PIEZO2: variants seen among roughly 807,000 people sequenced by gnomAD.
PIEZO2 encodes piezo-type mechanosensitive ion channel component 2.
In PIEZO2, 172 loss-of-function variants were observed where a neutral mutation model predicts 337.3. That is an observed-to-expected ratio of 0.51 (90% confidence interval 0.45 to 0.58). The LOEUF (loss-of-function observed/expected upper bound fraction) is 0.58. PIEZO2 is among the 20% of genes least tolerant of loss of function. PIEZO2 has a pLI of 0.00. For missense variants in PIEZO2, 3,028 were observed against 3,391.3 expected, an observed-to-expected ratio of 0.89 and a Z score of 2.66; for synonymous variants, 1,251 against 1,228.5, an observed-to-expected ratio of 1.02 and a Z score of -0.38.
intron 2 of PIEZO2, among the ~76,000 whole-genome samples, chr18:11,042,753 G>C (rs1872026): frequency 0.23 from 34,311 of 152,108 alleles, 5,001 homozygotes; most frequent in Non-Finnish European, 0.33. Flanking sequence ...ATACACCTTT[G>C]GGGGGCAGGA....
At chr18:10,996,504 A>T (rs1359885801) in intron 2 of PIEZO2, among the ~76,000 whole-genome samples, 1 of 152,186 alleles carries the variant, frequency 6.6e-6, no homozygotes, top group Non-Finnish European at 1.5e-5. Context: ...GCTGCTCTCC[A>T]TTCCCCCATC....
chr18:10,736,784 C>T (rs989992501), intron 33 of PIEZO2, 74 bp from the exon 34 acceptor site: 10 of 1,442,666 alleles, frequency 6.9e-6, no homozygotes, highest in Non-Finnish European at 9.3e-6. Context: ...ATGAAATGTC[C>T]CCTAAAGATA....
At chr18:10,829,003 G>A (rs1289234180) in intron 7 of PIEZO2, among the ~76,000 whole-genome samples, 1 of 152,134 alleles carries the variant, frequency 6.6e-6, no homozygotes, top group Non-Finnish European at 1.5e-5. Context: ...AATTCAAGTG[G>A]TGGGCATTCC....
chr18:10,722,724 A>G (rs543935692), intron 36 of PIEZO2, among the ~76,000 whole-genome samples: 1 of 152,368 alleles, frequency 6.6e-6, no homozygotes, highest in African/African-American at 2.4e-5. Context: ...AAATTGGCAC[A>G]CTGGTCTAAA....
At chr18:10,705,307 T>C (rs1490530187) in intron 41 of PIEZO2, 29 bp downstream of exon 41, 1 of 1,484,822 alleles carries the variant, frequency 6.7e-7, no homozygotes, top group Non-Finnish European at 8.9e-7. Context: ...TTTGGGGATA[T>C]GTGTCTGATC....
chr18:10,782,311 ATATAATATAT>A (rs2039025661), intron 17 of PIEZO2, among the ~76,000 whole-genome samples: 1 of 76,138 alleles, frequency 1.3e-5, no homozygotes, highest in Non-Finnish European at 2.5e-5. Context: ...ATAAATAATT[ATATAATATAT>A]TATAATTATA....
At chr18:10,720,197 G>GTT (rs2036199167) in intron 36 of PIEZO2, among the ~76,000 whole-genome samples, 15 of 130,866 alleles carry the variant, frequency 1.1e-4, no homozygotes, top group African/African-American at 1.8e-4. Flanking sequence ...ATAGAGAGAG[G>GTT]ATATATATAT....
rs370171370 is a variant in PIEZO2, at chr18:11,039,936, G to A, written c.160+26191C>T. Among the ~76,000 whole-genome samples, 7 of 152,088 alleles carry A rather than the reference G, an allele frequency of 4.6e-5. No individual in the cohort carries two copies. In the South Asian group the frequency reaches 8.3e-4, roughly 18 times the overall value. On this transcript the variant is annotated intron_variant, in intron 2 of 55. Coordinates refer to ENST00000674853, the MANE Select transcript of PIEZO2 (RefSeq NM_001378183.1). Reference sequence around the variant, plus strand: ...TAACCTCTCCAACCCTCCCCACCCCGTATAGACACACAGACTCTGCTTTTT... The same window carrying A: ...TAACCTCTCCAACCCTCCCCACCCCATATAGACACACAGACTCTGCTTTTT...
Position 10,672,260 on chromosome 18 carries a change from T to G in PIEZO2, c.8345+430A>C, listed in dbSNP as rs545828534. Among the ~76,000 whole-genome samples the G allele has an allele frequency of 2.6e-5, 4 of 152,302 alleles. No homozygotes were observed. The East Asian group carries it at 7.7e-4, about 29-fold the overall frequency. On this transcript the variant is annotated intron_variant, in intron 55 of 55. Coordinates refer to ENST00000674853, the MANE Select transcript of PIEZO2 (RefSeq NM_001378183.1). The surrounding 1 kb of genome is among the most constrained non-coding windows in gnomAD (Gnocchi z 4.7). ...TTTGAGAAATACAATATTTTACATTTGTGTCTTGTGGGGATGTGCGTGTCC... is the reference window on the plus strand; with the variant it reads ...TTTGAGAAATACAATATTTTACATTGGTGTCTTGTGGGGATGTGCGTGTCC...
At chr18:10,691,782 C>CACACACATATATATATATATATATAT in intron 47 of PIEZO2, among the ~76,000 whole-genome samples, 9 of 96,642 alleles carry the variant, frequency 9.3e-5, no homozygotes, top group African/African-American at 4.2e-4. Context: ...CACACACACA[C>CACACACATATATATATATATATATAT]ATATATATAT....
Position 10,759,426 on chromosome 18 carries a change from G to A in PIEZO2, c.3757+56C>T, listed in dbSNP as rs142985491. On this transcript the variant is annotated intron_variant, in intron 26 of 55. Coordinates refer to ENST00000674853, the MANE Select transcript of PIEZO2 (RefSeq NM_001378183.1). This position sits in a 1 kb window ranked among gnomAD's most constrained non-coding sequence, Gnocchi z 5.5. ...CACTAATGCATAGCACGTGAACAAT[G>A]ATTAACAGTAAACCCGGATACCAGC... 1.5e-4 allele frequency: 210 copies of A among 1,415,224 alleles called. 1 individual carries two copies. In the Middle Eastern group the frequency reaches 3.2e-3, roughly 22 times the overall value. The allele number at this position is 1,415,224 out of a possible 1,614,324, so 87.7% of individuals were successfully genotyped here.
rs1288089546 is a variant in PIEZO2, at chr18:11,021,929, T to C, written c.161-42269A>G. Among the ~76,000 whole-genome samples the C allele has an allele frequency of 1.3e-5, 2 of 152,210 alleles. No individual in the cohort carries two copies. Among genetic ancestry groups the C allele is most frequent in the Non-Finnish European group, 2.9e-5 (2 of 68,042 alleles). On this transcript the variant is annotated intron_variant, in intron 2 of 55. Coordinates refer to ENST00000674853, the MANE Select transcript of PIEZO2 (RefSeq NM_001378183.1). This position sits in a 1 kb window ranked among gnomAD's most constrained non-coding sequence, Gnocchi z 4.7. ...CCTTTCCTAGTTGTTCCTAAATCCC[T>C]GTGCCCCTTGCAGAGTCACCACGTG... is the stretch of plus-strand genomic sequence containing the variant.
At chr18:10,960,441 G>A (rs1164391693) in intron 3 of PIEZO2, among the ~76,000 whole-genome samples, 1 of 152,026 alleles carries the variant, frequency 6.6e-6, no homozygotes, top group African/African-American at 2.4e-5. Flanking sequence ...AAAACATGAA[G>A]AGTGAGATAC....
chr18:10,720,419 GTATATATATA>G (rs74177567), intron 36 of PIEZO2, among the ~76,000 whole-genome samples: 221 of 9,258 alleles, frequency 0.024, 16 homozygotes, highest in African/African-American at 0.076. Context: ...GTATGTGTAT[GTATATATATA>G]TATATATATA....
In PIEZO2 at chr18:11,016,010, C is replaced by T. The variant is rs1265164552; in HGVS notation, c.161-36350G>A. 6.6e-6 allele frequency among the ~76,000 whole-genome samples: 1 copy of T among 152,218 alleles called. No individual in the cohort carries two copies. The highest frequency in any genetic ancestry group is 2.4e-5 in the African/African-American group (1 of 41,454). ...GAAATAGCTTGGGCAATCCTGGTGA[C>T]ATTCTCCCCTTTTCCTTGTTCTCCC... On this transcript the variant is annotated intron_variant, in intron 2 of 55. Transcript: ENST00000674853. This position sits in a 1 kb window ranked among gnomAD's most constrained non-coding sequence, Gnocchi z 5.6.
chr18:11,097,567 A>G lies in PIEZO2; in HGVS notation c.65-31345T>C, dbSNP rs895609744. ...TCACAGTTTGAAGACAGCAAAAGCTATTTAGAGGAGTACAGCCTAATCACC... is the reference window on the plus strand; with the variant it reads ...TCACAGTTTGAAGACAGCAAAAGCTGTTTAGAGGAGTACAGCCTAATCACC... On this transcript the variant is annotated intron_variant, in intron 1 of 55. Coordinates refer to ENST00000674853, the MANE Select transcript of PIEZO2 (RefSeq NM_001378183.1). This position sits in a 1 kb window ranked among gnomAD's most constrained non-coding sequence, Gnocchi z 5.0. 1.3e-5 allele frequency among the ~76,000 whole-genome samples: 2 copies of G among 152,226 alleles called. No homozygotes were observed. The highest frequency in any genetic ancestry group is 2.9e-5 in the Non-Finnish European group (2 of 68,032).
intron 3 of PIEZO2, among the ~76,000 whole-genome samples, chr18:10,924,622 C>A (rs2145154424): frequency 6.6e-6 from 1 of 152,230 alleles, no homozygotes; most frequent in East Asian, 1.9e-4. Context: ...TCTTAAGAAA[C>A]AATTGCATTT....
rs1171150394 is a variant in PIEZO2, at chr18:10,954,159, A to G, written c.286+25376T>C. On this transcript the variant is annotated intron_variant, in intron 3 of 55. Transcript: ENST00000674853. This position sits in a 1 kb window ranked among gnomAD's most constrained non-coding sequence, Gnocchi z 4.2. ...TTTCATTTTCAAAATTACTTTGGCT[A>G]TTGTAGTTTTTTTTCCATATATATT... 6.6e-6 allele frequency among the ~76,000 whole-genome samples: 1 copy of G among 152,194 alleles called. No individual in the cohort carries two copies. The highest frequency in any genetic ancestry group is 1.5e-5 in the Non-Finnish European group (1 of 68,020).
intron 3 of PIEZO2, among the ~76,000 whole-genome samples, chr18:10,956,151 T>C (rs1033281299): frequency 1.3e-5 from 2 of 152,190 alleles, no homozygotes; most frequent in African/African-American, 4.8e-5. Context: ...GTTTAATCCA[T>C]GATTTTCAAA....
Sources: gnomAD v4.1 joint callset for allele counts (sites outside exome capture counted in the v4.1 genomes callset) on GRCh38, gnomAD v4.1.1 for gene constraint, Gnocchi (gnomAD v3.1) non-coding constraint, MANE v1.5 for transcripts, NCBI Gene and HGNC (gene_info 2026-07-23, HGNC 2026-07-21) for gene names.